KANSL1: variants seen among roughly 807,000 people sequenced by gnomAD.
The protein encoded by KANSL1 is MLL1/MLL complex subunit KANSL1.
KANSL1 carries 22 observed loss-of-function variants against 103.6 expected under a neutral mutation model. The ratio of observed to expected loss-of-function variants is 0.21; its 90% CI spans 0.15 to 0.30. The LOEUF (loss-of-function observed/expected upper bound fraction) is 0.30, where lower values mean the gene tolerates loss of function less well. Among genes scored for constraint, KANSL1 ranks in the 10% least tolerant of loss-of-function variants. The probability of loss-of-function intolerance (pLI) is 1.00; values close to 1 mark genes in which losing one functional copy is unlikely to be tolerated. For missense variants in KANSL1, 1,337 were observed against 1,399.8 expected, an observed-to-expected ratio of 0.96 and a Z score of 0.72; for synonymous variants, 600 against 527.6, an observed-to-expected ratio of 1.14 and a Z score of -1.88.
intron 1 of KANSL1, among the ~76,000 whole-genome samples, chr17:46,191,425 G>A (rs562686650): frequency 1.1e-3 from 160 of 152,344 alleles, no homozygotes; most frequent in African/African-American, 3.7e-3. Context: ...AGGGGAAAGG[G>A]AAAACACACC....
intron 2 of KANSL1, among the ~76,000 whole-genome samples, chr17:46,152,735 G>A (rs1408467310): frequency 6.6e-6 from 1 of 152,166 alleles, no homozygotes; most frequent in Non-Finnish European, 1.5e-5. Context: ...ACCAACCGAG[G>A]GTTTCATAAG....
intron 6 of KANSL1, among the ~76,000 whole-genome samples, chr17:46,062,695 T>C (rs2078221648): frequency 6.6e-6 from 1 of 151,774 alleles, no homozygotes; most frequent in Non-Finnish European, 1.5e-5. Context: ...GCACTAAACG[T>C]GCATCTCAAT....
At chr17:46,183,529 G>A (rs2046883412) in intron 1 of KANSL1, among the ~76,000 whole-genome samples, 2 of 151,878 alleles carry the variant, frequency 1.3e-5, no homozygotes, top group African/African-American at 4.8e-5. Context: ...TACAGAGCAA[G>A]ATTCTGTCTC....
intron 13 of KANSL1, 87 bp downstream of exon 13, chr17:46,032,992 AG>A (rs1393521189): frequency 4.1e-6 from 4 of 973,382 alleles, no homozygotes; most frequent in Non-Finnish European, 6.0e-6. Flanking sequence ...ACCAAGAGGC[AG>A]TAGCAATTCC....
chr17:46,190,762 G>A (rs2047276569), intron 1 of KANSL1, among the ~76,000 whole-genome samples: 1 of 152,234 alleles, frequency 6.6e-6, no homozygotes, highest in South Asian at 2.1e-4. Context: ...TATGCTAAAG[G>A]TCGAAGGAAC....
In KANSL1 at chr17:46,176,176, G is replaced by A. The variant is rs2046510383; in HGVS notation, c.-89-3944C>T. ...ACTACAGTAAGACTTAGCAAGGGCA[G>A]GAAACAGCTTCCCTCTGAGGACCCA... On this transcript the variant is annotated intron_variant, in intron 1 of 14. Coordinates refer to ENST00000432791, the MANE Select transcript of KANSL1 (RefSeq NM_015443.4). 1.3e-5 allele frequency among the ~76,000 whole-genome samples: 2 copies of A among 152,208 alleles called. 1 individual carries two copies. Among genetic ancestry groups the A allele is most frequent in the South Asian group, 4.1e-4 (2 of 4,838 alleles).
At chr17:46,052,692 C>A (rs113342992) in intron 6 of KANSL1, among the ~76,000 whole-genome samples, 58 of 150,738 alleles carry the variant, frequency 3.8e-4, no homozygotes, top group African/African-American at 1.4e-3. Context: ...CAACTGTAAT[C>A]CCAAAACTTT....
intron 1 of KANSL1, among the ~76,000 whole-genome samples, chr17:46,181,083 A>AT (rs1361818683): frequency 1.3e-5 from 2 of 152,224 alleles, no homozygotes; most frequent in African/African-American, 4.8e-5. Flanking sequence ...CAACCAGAAA[A>AT]TAATAGTCAA....
At chr17:46,139,811 G>C (rs2044330402) in intron 2 of KANSL1, among the ~76,000 whole-genome samples, 1 of 151,850 alleles carries the variant, frequency 6.6e-6, no homozygotes, top group African/African-American at 2.4e-5. Flanking sequence ...AGCATTCTCA[G>C]AATATACTGT....
At chr17:46,100,638 A>G (rs1403024340) in intron 2 of KANSL1, among the ~76,000 whole-genome samples, 1 of 152,184 alleles carries the variant, frequency 6.6e-6, no homozygotes, top group Non-Finnish European at 1.5e-5. Flanking sequence ...TTTTGTATTT[A>G]TTAGATAAGT....
intron 2 of KANSL1, among the ~76,000 whole-genome samples, chr17:46,097,300 G>A (rs1598611191): frequency 1.3e-5 from 2 of 152,196 alleles, no homozygotes; most frequent in East Asian, 3.8e-4. Context: ...CACAAGTAGT[G>A]AAGGAATTTG....
At chr17:46,218,316 C>T (rs1263506920) in intron 1 of KANSL1, among the ~76,000 whole-genome samples, 4 of 152,218 alleles carry the variant, frequency 2.6e-5, no homozygotes, top group South Asian at 2.1e-4. Flanking sequence ...AAACACTCTG[C>T]GTGAATAAAC....
chr17:46,036,525 G>A (rs1290609723), intron 10 of KANSL1, among the ~76,000 whole-genome samples: 4 of 152,122 alleles, frequency 2.6e-5, no homozygotes, highest in Admixed American at 2.6e-4. Context: ...ATTGCATTAG[G>A]TATTATCAGT....
At chr17:46,193,644 G>A, upstream of KANSL1, 1 of 311,856 alleles carries the variant, frequency 3.2e-6, no homozygotes, top group Non-Finnish European at 6.7e-6. Flanking sequence ...ACCTCCATCT[G>A]CGGAGGCCGC....
intron 2 of KANSL1, among the ~76,000 whole-genome samples, chr17:46,109,501 T>C (rs1033302200): frequency 1.3e-5 from 2 of 152,158 alleles, no homozygotes; most frequent in Non-Finnish European, 2.9e-5. Context: ...TTATATATTA[T>C]ATAAATTTGC....
At chr17:46,173,958 G>A (rs999583289) in intron 1 of KANSL1, among the ~76,000 whole-genome samples, 80 of 152,348 alleles carry the variant, frequency 5.3e-4, no homozygotes, top group African/African-American at 1.7e-3. Context: ...CATGGAACAC[G>A]ATTTTTACTT....
chr17:46,141,587 A>C (rs1364271945), intron 2 of KANSL1, among the ~76,000 whole-genome samples: 1 of 152,266 alleles, frequency 6.6e-6, no homozygotes, highest in Non-Finnish European at 1.5e-5. Flanking sequence ...AAGAAAAGAC[A>C]ATCAGAGAGT....
chr17:46,115,433 G>GTA (rs1440542775), intron 2 of KANSL1, among the ~76,000 whole-genome samples: 1 of 131,438 alleles, frequency 7.6e-6, no homozygotes, highest in Non-Finnish European at 1.6e-5. Flanking sequence ...TGAGAAAATA[G>GTA]TATAAAGCTA....
At chr17:46,135,617 T>C (rs2044097795) in intron 2 of KANSL1, among the ~76,000 whole-genome samples, 1 of 144,284 alleles carries the variant, frequency 6.9e-6, no homozygotes, top group Admixed American at 7.3e-5. Flanking sequence ...TAATCATGGC[T>C]CATTTCAGCC....
Sources: gnomAD v4.1 joint callset for allele counts (sites outside exome capture counted in the v4.1 genomes callset) on GRCh38, gnomAD v4.1.1 for gene constraint, MANE v1.5 for transcripts, NCBI Gene and HGNC (gene_info 2026-07-23, HGNC 2026-07-21) for gene names.